TICRR: variants seen among roughly 807,000 people sequenced by gnomAD.
The protein encoded by TICRR is TOPBP1 interacting checkpoint and replication regulator.
TICRR carries 132 observed loss-of-function variants against 178.1 expected under a neutral mutation model. The observed-to-expected ratio is 0.74, with a 90% CI of 0.64 to 0.86. The LOEUF (loss-of-function observed/expected upper bound fraction) is 0.86. TICRR is among the 40% of genes least tolerant of loss of function. The pLI is 0.00. For synonymous variants in TICRR, 991 were observed against 900.7 expected, an observed-to-expected ratio of 1.10 and a Z score of -1.79; for missense variants, 2,587 against 2,334.3, an observed-to-expected ratio of 1.11 and a Z score of -2.23.
At chr15:89,614,413 T>C (rs1963303034) in intron 15 of TICRR, among the ~76,000 whole-genome samples, 1 of 151,772 alleles carries the variant, frequency 6.6e-6, no homozygotes, top group African/African-American at 2.4e-5. Context: ...CTCCCTGACT[T>C]CCTGGCTTAA....
At chr15:89,601,661 T>A in intron 11 of TICRR, 76 bp from the exon 12 acceptor site, 1 of 1,611,280 alleles carries the variant, frequency 6.2e-7, no homozygotes, top group South Asian at 1.1e-5. Flanking sequence ...TAAGGACTAC[T>A]TTTTAGGCTG....
At position 89,576,848 on chromosome 15, in the gene TICRR, TATATATATATATAC is replaced by T. The variant is rs1423929662; in HGVS notation, c.654+610_654+623del. Among the ~76,000 whole-genome samples the T allele has an allele frequency of 1.2e-3, 150 of 125,834 alleles. 1 individual carries two copies. Among genetic ancestry groups the T allele is most frequent in the Non-Finnish European group, 1.9e-3 (112 of 59,366 alleles). The allele number at this position is 125,834 out of a possible 152,430, so 82.6% of individuals were successfully genotyped here. A position where few individuals can be genotyped will look rare whatever the true frequency, so the allele number is the denominator to read the frequency against. On this transcript the variant is annotated intron_variant, in intron 1 of 21. Transcript: ENST00000268138. ...ATATATATATATATATATATATATA[TATATATATATATAC>T]ACACACACACATATATATACACATT...
chr15:89,599,505 A>G lies in TICRR; in HGVS notation c.2052+30A>G, dbSNP rs750509882. The G allele has an allele frequency of 1.1e-5, 17 of 1,598,362 alleles. No homozygotes were observed. In the East Asian group the frequency reaches 3.1e-4, roughly 29 times the overall value. The stretch of plus-strand genomic sequence containing the variant: ...GAGGGTCCAGATATTGTTGTTTGTC[A>G]TGGATGTAGTGGTTGGTTGGTTGGT... On this transcript the variant is annotated intron_variant, in intron 8 of 21. Transcript: ENST00000268138.
At chr15:89,602,035 T>G in intron 12 of TICRR, 59 bp downstream of exon 12, 3 of 1,589,762 alleles carry the variant, frequency 1.9e-6, no homozygotes, top group Non-Finnish European at 1.7e-6. Context: ...ATAAAAGATG[T>G]GTTTAAACTA....
intron 5 of TICRR, among the ~76,000 whole-genome samples, chr15:89,593,159 A>C (rs889380740): frequency 6.6e-6 from 1 of 152,222 alleles, no homozygotes; most frequent in Non-Finnish European, 1.5e-5. Flanking sequence ...ACGCACACAA[A>C]CATCTGTTGA....
At chr15:89,577,461 C>T (rs1962643814) in intron 1 of TICRR, among the ~76,000 whole-genome samples, 1 of 151,888 alleles carries the variant, frequency 6.6e-6, no homozygotes, top group African/African-American at 2.4e-5. Flanking sequence ...CTGCTGGGGA[C>T]ATGGTAACCA....
intron 8 of TICRR, 63 bp downstream of exon 8, chr15:89,599,538 G>A: frequency 1.3e-6 from 2 of 1,534,874 alleles, no homozygotes; most frequent in South Asian, 2.4e-5. Flanking sequence ...GGTTGGTGGT[G>A]GATTTGGTTA....
chr15:89,618,220 ATC>A lies in TICRR; in HGVS notation c.3019+14_3019+15del. The A allele has an allele frequency of 6.2e-7, 1 of 1,613,560 alleles. No homozygotes were observed. Among genetic ancestry groups the A allele is most frequent in the South Asian group, 1.1e-5 (1 of 91,062 alleles). ...CCTGAAAAAGGAGATGGTGAGTGTT[ATC>A]TCTTTTTGTTTTTAATGCAATCTAC... is the stretch of plus-strand genomic sequence containing the variant. On this transcript the variant is annotated intron_variant, in intron 17 of 21. Coordinates refer to ENST00000268138, the MANE Select transcript of TICRR (RefSeq NM_152259.4).
intron 19 of TICRR, among the ~76,000 whole-genome samples, 162 bp downstream of exon 19, chr15:89,621,712 G>A (rs1019538540): frequency 6.6e-5 from 10 of 152,274 alleles, no homozygotes. Context: ...TATTAGACAC[G>A]TGGGAACTTC....
At chr15:89,603,206 G>A (rs1034772853) in intron 13 of TICRR, among the ~76,000 whole-genome samples, 2 of 152,156 alleles carry the variant, frequency 1.3e-5, no homozygotes, top group African/African-American at 4.8e-5. Context: ...AGCAGTCACT[G>A]GAAGAGAATA....
In TICRR at chr15:89,619,746, T is replaced by A; in HGVS notation, c.3058T>A (p.Ser1020Thr). ...LRRSPRIKQLSFSRTHSASFY... is the reference protein window; with the variant it reads ...LRRSPRIKQLTFSRTHSASFY... ...ACGAAGTCCTCGAATCAAGCAGTTG[T>A]CATTTAGCAGGACACATTCTGCCTC... is the stretch of plus-strand genomic sequence containing the variant. The change falls in exon 18 of 22, where the codon TCA (serine) becomes ACA (threonine). Residue 1020 changes from serine (S) to threonine (T), a missense_variant. Coordinates refer to ENST00000268138, the MANE Select transcript of TICRR (RefSeq NM_152259.4). The A allele has an allele frequency of 6.2e-6, 10 of 1,613,866 alleles. No individual in the cohort carries two copies. Among genetic ancestry groups the A allele is most frequent in the Middle Eastern group, 1.6e-4 (1 of 6,062 alleles).
At chr15:89,604,707 GCTGCA>G (rs1219081622) in intron 13 of TICRR, among the ~76,000 whole-genome samples, 1 of 148,746 alleles carries the variant, frequency 6.7e-6, no homozygotes, top group Admixed American at 6.8e-5. Flanking sequence ...GGAGTTTGAG[GCTGCA>G]ATGAACTATG....
At chr15:89,601,048 G>GAAAAAA (rs71151515) in intron 9 of TICRR, among the ~76,000 whole-genome samples, 3 of 74,814 alleles carry the variant, frequency 4.0e-5, no homozygotes, top group Admixed American at 1.9e-4. Context: ...CCTGTCTCAG[G>GAAAAAA]AAAAAAAAAA....
chr15:89,602,327 C>A (rs1963112055), intron 12 of TICRR, among the ~76,000 whole-genome samples: 1 of 152,074 alleles, frequency 6.6e-6, no homozygotes, highest in Non-Finnish European at 1.5e-5. Context: ...GCTAATGTTC[C>A]AGCATTGTTA....
chr15:89,576,851 ATATATATATAC>A, intron 1 of TICRR, among the ~76,000 whole-genome samples: 1 of 140,492 alleles, frequency 7.1e-6, no homozygotes, highest in Non-Finnish European at 1.5e-5. Flanking sequence ...ATATATATAT[ATATATATATAC>A]ACACACACAC....
rs545781293 is a variant in TICRR, at chr15:89,585,703, C to T, written c.1177-5C>T. On this transcript the variant is annotated splice_polypyrimidine_tract_variant and splice_region_variant and intron_variant, in intron 3 of 21. Coordinates refer to ENST00000268138, the MANE Select transcript of TICRR (RefSeq NM_152259.4). ...ATTCTCAACTAATTAGGGCTTCTCA[C>T]GTAGGTTGCTGATGTGGACCCTGGT... 4.4e-6 allele frequency: 7 copies of T among 1,605,772 alleles called. No homozygotes were observed. In the African/African-American group the frequency reaches 5.3e-5, roughly 12 times the overall value.
chr15:89,585,914 T>G lies in TICRR; in HGVS notation c.1383T>G (p.His461Gln), dbSNP rs367605057. Residue 461 changes from histidine (H) to glutamine (Q), a missense_variant, in exon 4 of 22, where the codon CAT becomes CAG. Coordinates refer to ENST00000268138, the MANE Select transcript of TICRR (RefSeq NM_152259.4). ...DVVDSILNQT[H>Q]DSLADTASAA... ...TGGATAGTATATTGAATCAGACTCA[T>G]GATTCGCTTGCAGATACTGCTTCTG... 8 of 1,614,038 alleles carry G rather than the reference T, an allele frequency of 5.0e-6. No individual in the cohort carries two copies. Among genetic ancestry groups the G allele is most frequent in the Non-Finnish European group, 6.8e-6 (8 of 1,179,990 alleles).
intron 8 of TICRR, among the ~76,000 whole-genome samples, chr15:89,600,356 C>G (rs1205221446): frequency 6.6e-6 from 1 of 152,146 alleles, no homozygotes; most frequent in Non-Finnish European, 1.5e-5. Flanking sequence ...TCTTTTAAGA[C>G]ACTTTATTTA....
At chr15:89,609,470 TTTTC>T (rs763404741) in intron 15 of TICRR, among the ~76,000 whole-genome samples, 14 of 151,804 alleles carry the variant, frequency 9.2e-5, no homozygotes, top group Non-Finnish European at 1.8e-4. Context: ...TCTCTATTGG[TTTTC>T]TTTGTCTTTT....
Sources: gnomAD v4.1 joint callset for allele counts (sites outside exome capture counted in the v4.1 genomes callset) on GRCh38, gnomAD v4.1.1 for gene constraint, MANE v1.5 for transcripts, NCBI Gene and HGNC (gene_info 2026-07-23, HGNC 2026-07-21) for gene names.